The following BTBD8 variants were observed in gnomAD, a reference collection of about 807,000 sequenced individuals.
BTBD8 encodes the protein BTB/POZ domain-containing protein 8.
Under a neutral mutation model 162.9 loss-of-function variants are expected in BTBD8, and 110 were observed. The ratio of observed to expected loss-of-function variants is 0.68; its 90% CI spans 0.58 to 0.79. The LOEUF is 0.79. BTBD8 is among the 30% of genes least tolerant of loss of function. The pLI, the probability that BTBD8 is intolerant of heterozygous loss-of-function variation, is 0.00. For synonymous variants in BTBD8, 667 were observed against 716.1 expected (o/e 0.93, Z 1.10); for missense variants, 1,905 against 2,085.4 (o/e 0.91, Z 1.68).
intron 13 of BTBD8, among the ~76,000 whole-genome samples, chr1:92,172,223 T>C (rs1383358173): frequency 2.6e-5 from 4 of 152,192 alleles, no homozygotes; most frequent in Non-Finnish European, 5.9e-5. Flanking sequence ...TCTAAAGTAG[T>C]TGAATTCTTA....
At chr1:92,133,661 G>C (rs1403682855) in intron 5 of BTBD8, among the ~76,000 whole-genome samples, 2 of 152,316 alleles carry the variant, frequency 1.3e-5, no homozygotes, top group South Asian at 4.1e-4. Context: ...AATAATTTGA[G>C]TGTGGGGACA....
chr1:92,174,215 G>C (rs1008558142), intron 13 of BTBD8, among the ~76,000 whole-genome samples: 1 of 152,042 alleles, frequency 6.6e-6, no homozygotes, highest in African/African-American at 2.4e-5. Context: ...TTTTGAGACA[G>C]GGTCTCACTC....
intron 3 of BTBD8, 53 bp downstream of exon 3, chr1:92,102,722 T>G: frequency 7.5e-7 from 1 of 1,333,706 alleles, no homozygotes. Context: ...AATTATATTC[T>G]GATACAGTTA....
rs375981488 is a variant in BTBD8 at position 92,101,673 on chromosome 1, A to G, written c.348-800A>G. On this transcript the variant is annotated intron_variant, in intron 2 of 17. Transcript: ENST00000636805. ...TTAACATTTTTATAGACTCCTTTTC[A>G]AACTTGCTGCTGTTTATTTTTTATT... Among the ~76,000 whole-genome samples, 14 of 152,256 alleles carry G rather than the reference A, an allele frequency of 9.2e-5. No homozygotes were observed. The South Asian group carries it at 2.9e-3, about 32-fold the overall frequency.
At chr1:92,147,863 T>C (rs1012062115) in intron 9 of BTBD8, 77 bp downstream of exon 9, 1 of 1,224,176 alleles carries the variant, frequency 8.2e-7, no homozygotes, top group African/African-American at 1.5e-5. Context: ...CTTTCAGTGG[T>C]TGAAATATAA....
At chr1:92,119,344 G>C (rs1649130817) in intron 4 of BTBD8, among the ~76,000 whole-genome samples, 1 of 142,564 alleles carries the variant, frequency 7.0e-6, no homozygotes, top group African/African-American at 2.7e-5. Context: ...GGAGTACAGT[G>C]ACGCGATCAT....
At chr1:92,093,704 C>T (rs570588909) in intron 2 of BTBD8, among the ~76,000 whole-genome samples, 53 of 152,236 alleles carry the variant, frequency 3.5e-4, no homozygotes, top group South Asian at 6.2e-4. Context: ...AAGCACTTAG[C>T]GCAGTGGCCT....
At chr1:92,107,105 G>A (rs1431208058) in intron 3 of BTBD8, among the ~76,000 whole-genome samples, 1 of 151,932 alleles carries the variant, frequency 6.6e-6, no homozygotes, top group Non-Finnish European at 1.5e-5. Flanking sequence ...GTTTTTTTTA[G>A]ATAATCCAAT....
Position 92,167,006 on chromosome 1 carries a change from A to G in BTBD8, c.1171A>G (p.Ile391Val), listed in dbSNP as rs1465686744. 5 of 1,550,708 alleles carry G rather than the reference A, an allele frequency of 3.2e-6. No individual in the cohort carries two copies. The highest frequency in any genetic ancestry group is 1.7e-4 in the Middle Eastern group (1 of 5,990). The change falls in exon 10 of 18, where the codon ATC becomes GTC. Residue 391 changes from isoleucine to valine, a missense_variant. By Grantham distance (29) the Ile-to-Val change is conservative (BLOSUM62 3). Around this residue, in one of 3 missense-constraint regions of BTBD8, gnomAD observed 1,374 missense variants for 1,442.7 expected, o/e 0.95. Transcript: ENST00000636805. ...TCTGATGGAAAGTGACAGGCTAATCATCAGTTTACCCAGAGTGAAGTGGAC... is the reference window on the plus strand; with the variant it reads ...TCTGATGGAAAGTGACAGGCTAATCGTCAGTTTACCCAGAGTGAAGTGGAC... ...FLLMESDRLI[I>V]SLPRVKWTEA...
At chr1:92,154,116 TGC>T (rs1369801876) in intron 9 of BTBD8, among the ~76,000 whole-genome samples, 5 of 152,164 alleles carry the variant, frequency 3.3e-5, no homozygotes, top group Non-Finnish European at 7.4e-5. Flanking sequence ...GTGATGTGCC[TGC>T]TCCTCCGTTA....
chr1:92,148,279 C>T lies in BTBD8; in HGVS notation c.1122+493C>T, dbSNP rs138333732. Among the ~76,000 whole-genome samples the T allele has an allele frequency of 9.9e-4, 150 of 152,240 alleles. 1 individual carries two copies. Among genetic ancestry groups the T allele is most frequent in the African/African-American group, 3.1e-3 (127 of 41,544 alleles). On this transcript the variant is annotated intron_variant, in intron 9 of 17. Coordinates refer to ENST00000636805, the MANE Select transcript of BTBD8 (RefSeq NM_001376131.1). ...CCTCCCTTGCTCATAATGTTTCTGC[C>T]GAAACCACCATCCATGAACTTACAG...
At chr1:92,080,743 G>A in intron 1 of BTBD8, 23 bp downstream of exon 1, 1 of 1,598,460 alleles carries the variant, frequency 6.3e-7, no homozygotes, top group Admixed American at 1.8e-5. Flanking sequence ...GGGAACTCTG[G>A]CTGCTTCAGT....
Position 92,182,250 on chromosome 1 carries a change from TC to T in BTBD8, c.4568del (p.Ser1523Ter). The T allele has an allele frequency of 1.3e-6, 2 of 1,550,888 alleles. No individual in the cohort carries two copies. Among genetic ancestry groups the T allele is most frequent in the East Asian group, 4.9e-5 (2 of 40,898 alleles). On this transcript the variant is annotated frameshift_variant, in exon 17 of 18. Transcript: ENST00000636805. LOFTEE classifies it high-confidence loss of function. Reference sequence around the variant, plus strand: ...CTTGGATCTTAGTAGCATTGACTCTTCAAGAAAAAATAAACAGAGTGTTTCA... The same window carrying T: ...CTTGGATCTTAGTAGCATTGACTCTTAAGAAAAAATAAACAGAGTGTTTCA... ...TVLDLSSIDS[S>X]RKNKQSVSAT...
rs562808549 is a variant in BTBD8, at chr1:92,161,783, A to G, written c.1123-5175A>G. Among the ~76,000 whole-genome samples the G allele has an allele frequency of 4.7e-4, 71 of 152,232 alleles. 1 individual carries two copies. Among genetic ancestry groups the G allele is most frequent in the African/African-American group, 1.7e-3 (71 of 41,554 alleles). ...GTCATAAATTAGCACAACTTTTTCT[A>G]TGTTTCCTAAGCTTTTTATCTGTGA... On this transcript the variant is annotated intron_variant, in intron 9 of 17. Transcript: ENST00000636805.
Position 92,080,487 on chromosome 1 carries a change from C to G in BTBD8, c.-85C>G, listed in dbSNP as rs1310674765. The G allele has an allele frequency of 6.4e-7, 1 of 1,559,298 alleles. No homozygotes were observed. Among genetic ancestry groups the G allele is most frequent in the Non-Finnish European group, 8.6e-7 (1 of 1,158,552 alleles). ...CGGATTTGGGTAGGAGCCGAGCGTT[C>G]GGTCGGAAACGCCCCCTTCTTCCTC... On this transcript the variant is annotated 5_prime_UTR_variant, in exon 1 of 18. Transcript: ENST00000636805.
Position 92,107,906 on chromosome 1 carries a change from A to T in BTBD8, c.567A>T (p.Ala189=). The change falls in exon 4 of 18, where the codon GCA becomes GCT. Residue 189 remains alanine (A), a synonymous_variant. Coordinates refer to ENST00000636805, the MANE Select transcript of BTBD8 (RefSeq NM_001376131.1). ...ISNDNYDLEP[A]SELGEDLLKL... ...AAGATAATTATGACTTGGAGCCTGC[A>T]TCTGAATTAGGAGAAGATTTATTGA... is the stretch of plus-strand genomic sequence containing the variant. The T allele has an allele frequency of 6.2e-7, 1 of 1,613,768 alleles. No homozygotes were observed. Among genetic ancestry groups the T allele is most frequent in the Non-Finnish European group, 8.5e-7 (1 of 1,179,892 alleles).
intron 2 of BTBD8, among the ~76,000 whole-genome samples, chr1:92,095,783 C>T (rs1648432802): frequency 6.6e-6 from 1 of 152,186 alleles, no homozygotes; most frequent in Admixed American, 6.5e-5. Context: ...TTGTTGTCCA[C>T]TCTACCTCAA....
Position 92,147,056 on chromosome 1 carries a change from T to A in BTBD8, c.931-124T>A, listed in dbSNP as rs181669555. ...ATATAGAAAATAAATTTTGAATTTA[T>A]CAAATTTTGAGTTGTATGTGTTCTG... On this transcript the variant is annotated intron_variant, in intron 7 of 17. Transcript: ENST00000636805. The A allele has an allele frequency of 5.4e-4, 300 of 555,504 alleles. No individual in the cohort carries two copies. In the African/African-American group the frequency reaches 5.5e-3, roughly 10 times the overall value. 34.4% of individuals were successfully genotyped at this position (555,504 alleles called of 1,614,324 possible). A position where few individuals can be genotyped will look rare whatever the true frequency, so the allele number is the denominator to read the frequency against.
At chr1:92,113,953 A>G (rs941734924) in intron 4 of BTBD8, among the ~76,000 whole-genome samples, 1 of 149,388 alleles carries the variant, frequency 6.7e-6, no homozygotes, top group African/African-American at 2.5e-5. Context: ...CGGAGGTTGC[A>G]GTGACCCGAG....
Sources: allele counts gnomAD v4.1 joint callset (sites outside exome capture counted in the v4.1 genomes callset), GRCh38; gene constraint gnomAD v4.1.1; regional missense constraint gnomAD v4.1.1; transcripts MANE v1.5; gene names NCBI Gene and HGNC (gene_info 2026-07-23, HGNC 2026-07-21).